The following BCLAF3 variants were observed in gnomAD, a reference collection of about 807,000 sequenced individuals.
BCLAF3 encodes BCLAF1 and THRAP3 family member 3.
A neutral mutation model predicts 51.2 loss-of-function variants in BCLAF3; 24 were observed. The observed-to-expected ratio is 0.47, with a 90% CI of 0.34 to 0.66. The LOEUF (loss-of-function observed/expected upper bound fraction) is 0.66. Among genes scored for constraint, BCLAF3 ranks in the 30% least tolerant of loss-of-function variants. BCLAF3 has a pLI of 0.01. For synonymous variants in BCLAF3, 152 were observed against 176.6 expected (o/e 0.86, Z 1.10); for missense variants, 465 against 525.1 (o/e 0.89, Z 1.12).
At chrX:19,925,995 T>C (rs1266300305) in intron 11 of BCLAF3, among the ~76,000 whole-genome samples, 1 of 111,715 alleles carries the variant, frequency 9.0e-6, no homozygotes, top group Non-Finnish European at 1.9e-5. Flanking sequence ...CCTGAGTTGA[T>C]GCTGTACTTG....
intron 1 of BCLAF3, among the ~76,000 whole-genome samples, chrX:19,974,123 AG>A (rs2148001494): frequency 8.9e-6 from 1 of 111,874 alleles, no homozygotes; most frequent in South Asian, 3.7e-4. Flanking sequence ...CCCTCTGTAT[AG>A]GCAGCTTTCA....
At chrX:19,985,354 G>A (rs2072762969) in intron 1 of BCLAF3, among the ~76,000 whole-genome samples, 1 of 111,811 alleles carries the variant, frequency 8.9e-6, no homozygotes, top group Non-Finnish European at 1.9e-5. Flanking sequence ...TAAGGTGGGA[G>A]TACCACTTGA....
At chrX:19,970,846 G>T (rs2072233280) in intron 1 of BCLAF3, among the ~76,000 whole-genome samples, 1 of 111,317 alleles carries the variant, frequency 9.0e-6, no homozygotes, top group Admixed American at 9.6e-5. Flanking sequence ...GTAGTTTAAT[G>T]ACCCCTAAAT....
intron 2 of BCLAF3, among the ~76,000 whole-genome samples, chrX:19,967,798 C>G (rs185953750): frequency 3.6e-5 from 4 of 112,283 alleles, no homozygotes; most frequent in Non-Finnish European, 5.6e-5. Flanking sequence ...GATGATAAGT[C>G]TGTGCCCTCC....
chrX:19,986,960 C>T (rs2072819852), intron 1 of BCLAF3, among the ~76,000 whole-genome samples: 1 of 109,798 alleles, frequency 9.1e-6, no homozygotes, highest in Non-Finnish European at 1.9e-5. Context: ...ATACCCCATA[C>T]CCAGCTAATT....
At chrX:19,987,977 A>G (rs1489964198) in intron 1 of BCLAF3, among the ~76,000 whole-genome samples, 1 of 112,077 alleles carries the variant, frequency 8.9e-6, no homozygotes, top group African/African-American at 3.2e-5. Context: ...TGCGAATCCT[A>G]CCTTCAGAAA....
chrX:19,978,729 G>C (rs182291148), intron 1 of BCLAF3, among the ~76,000 whole-genome samples: 10 of 110,523 alleles, frequency 9.0e-5, no homozygotes, highest in African/African-American at 3.0e-4. Context: ...CTATCAAACA[G>C]CATCTATGCT....
In BCLAF3 at chrX:19,917,264, A is replaced by G. The variant is rs764240102; in HGVS notation, c.*41T>C. Reference sequence around the variant, plus strand: ...GACAAAAAGAGAGAGATGCTCCCAAACATCCTCCTGTAGCGTCATTTCCAT... The same window carrying G: ...GACAAAAAGAGAGAGATGCTCCCAAGCATCCTCCTGTAGCGTCATTTCCAT... On this transcript the variant is annotated 3_prime_UTR_variant, in exon 12 of 12. Transcript: ENST00000379682. The G allele has an allele frequency of 2.6e-6, 3 of 1,166,188 alleles. No homozygotes were observed. Among genetic ancestry groups the G allele is most frequent in the Non-Finnish European group, 1.2e-6 (1 of 857,368 alleles).
At chrX:19,935,511 C>A (rs1259652147) in intron 10 of BCLAF3, 1 of 230,932 alleles carries the variant, frequency 4.3e-6, no homozygotes, top group Non-Finnish European at 7.8e-6. Flanking sequence ...GGGTCTGCAG[C>A]CTTGCCTGTC....
At chrX:19,947,333 T>C (rs1383499394) in intron 8 of BCLAF3, among the ~76,000 whole-genome samples, 2 of 112,214 alleles carry the variant, frequency 1.8e-5, no homozygotes, top group African/African-American at 6.5e-5. Flanking sequence ...AGCTACTTTA[T>C]CAAACACACT....
chrX:19,919,047 GCCA>G (rs2070035630), intron 11 of BCLAF3, among the ~76,000 whole-genome samples: 1 of 110,998 alleles, frequency 9.0e-6, no homozygotes, highest in African/African-American at 3.3e-5. Flanking sequence ...ATGTTCTAGT[GCCA>G]CCACATCAAA....
chrX:19,968,935 A>G lies in BCLAF3; in HGVS notation c.41+1289T>C, dbSNP rs1408129523. ...GAGACCATCCTGGCTAACAGAGTGA[A>G]ACCCTGTCTCTACTAAAAATACAAA... is the stretch of plus-strand genomic sequence containing the variant. On this transcript the variant is annotated intron_variant, in intron 2 of 11. Transcript: ENST00000379682. 2.7e-5 allele frequency among the ~76,000 whole-genome samples: 3 copies of G among 111,213 alleles called. No homozygotes were observed. The East Asian group carries it at 8.5e-4, about 32-fold the overall frequency.
chrX:19,939,580 C>T (rs1386306236), intron 8 of BCLAF3, among the ~76,000 whole-genome samples: 7 of 111,772 alleles, frequency 6.3e-5, no homozygotes, highest in Non-Finnish European at 1.3e-4. Flanking sequence ...TTTACACTAA[C>T]TAGGATGGCT....
Position 19,916,941 on chromosome X carries a change from T to A in BCLAF3, c.*364A>T, listed in dbSNP as rs763424629. 7 of 172,776 alleles carry A rather than the reference T, an allele frequency of 4.1e-5. No individual in the cohort carries two copies. In the South Asian group the frequency reaches 9.2e-4, roughly 23 times the overall value. 14.2% of individuals were successfully genotyped at this position (172,776 alleles called of 1,213,427 possible). Reference sequence around the variant, plus strand: ...AGACACTATACAATTCAGACACTTGTTTTTGTTTTTATTATGTAAGCAAAA... The same window carrying A: ...AGACACTATACAATTCAGACACTTGATTTTGTTTTTATTATGTAAGCAAAA... On this transcript the variant is annotated 3_prime_UTR_variant, in exon 12 of 12. Coordinates refer to ENST00000379682, the MANE Select transcript of BCLAF3 (RefSeq NM_001367774.2).
intron 4 of BCLAF3, among the ~76,000 whole-genome samples, chrX:19,956,600 A>C (rs775648241): frequency 1.8e-5 from 2 of 111,396 alleles, no homozygotes; most frequent in Admixed American, 9.6e-5. Flanking sequence ...TCAATGAAAA[A>C]ATTTTCTCAT....
chrX:19,925,440 A>G (rs1290312545), intron 11 of BCLAF3, among the ~76,000 whole-genome samples: 1 of 111,383 alleles, frequency 9.0e-6, no homozygotes, highest in Non-Finnish European at 1.9e-5. Flanking sequence ...TTCATATTCA[A>G]TTTCAGGCTC....
At chrX:19,975,492 C>T (rs992611735) in intron 1 of BCLAF3, among the ~76,000 whole-genome samples, 17 of 110,166 alleles carry the variant, frequency 1.5e-4, no homozygotes, top group African/African-American at 4.3e-4. Flanking sequence ...TACAGGTGTG[C>T]GCCACCACAC....
intron 11 of BCLAF3, among the ~76,000 whole-genome samples, chrX:19,924,678 C>T (rs768367578): frequency 3.3e-4 from 37 of 111,714 alleles, no homozygotes; most frequent in African/African-American, 1.2e-3. Context: ...CACCACAGCA[C>T]CTGAGGACTG....
In BCLAF3 at chrX:19,935,866, A is replaced by T; in HGVS notation, c.1893T>A (p.Thr631=). 3 of 1,210,505 alleles carry T rather than the reference A, an allele frequency of 2.5e-6. No homozygotes were observed. Among genetic ancestry groups the T allele is most frequent in the Non-Finnish European group, 3.4e-6 (3 of 894,289 alleles). ...NYTTQRKDII[T]HKPFEVEGNH... ...TTCCCTCAACCTCAAATGGTTTGTG[A>T]GTAATTATGTCTTTTCTCTGCGTAG... Residue 631 remains threonine, a synonymous_variant, in exon 10 of 12, where the codon ACT becomes ACA. Transcript: ENST00000379682.
Sources: gnomAD v4.1 joint callset for allele counts (sites outside exome capture counted in the v4.1 genomes callset) on GRCh38, gnomAD v4.1.1 for gene constraint, MANE v1.5 for transcripts, NCBI Gene and HGNC (gene_info 2026-07-23, HGNC 2026-07-21) for gene names.